Variants in RFX2 observed in about 807,000 individuals in gnomAD.
RFX2 encodes regulatory factor X2.
Under a neutral mutation model 87.8 loss-of-function variants are expected in RFX2, and 20 were observed. The observed-to-expected ratio is 0.23, with a 90% CI of 0.16 to 0.33. The LOEUF (loss-of-function observed/expected upper bound fraction) is 0.33. Among genes scored for constraint, RFX2 ranks in the 10% least tolerant of loss-of-function variants. The pLI is 1.00. For synonymous variants in RFX2, 397 were observed against 431.3 expected, an observed-to-expected ratio of 0.92 and a Z score of 0.98; for missense variants, 767 against 1,012.3, an observed-to-expected ratio of 0.76 and a Z score of 3.29.
Position 6,063,296 on chromosome 19 carries a change from C to T in RFX2, c.-8-15792G>A, listed in dbSNP as rs943537591. On this transcript the variant is annotated intron_variant, in intron 1 of 17. Coordinates refer to ENST00000303657, the MANE Select transcript of RFX2 (RefSeq NM_000635.4). The surrounding 1 kb of genome is among the most constrained non-coding windows in gnomAD (Gnocchi z 4.0). Reference sequence around the variant, plus strand: ...CCCAGGCCTGAGCGCCAGCCCTTCACTGATCAGCTAGCCTCTGCCTGCAAG... The same window carrying T: ...CCCAGGCCTGAGCGCCAGCCCTTCATTGATCAGCTAGCCTCTGCCTGCAAG... Among the ~76,000 whole-genome samples the T allele has an allele frequency of 2.0e-5, 3 of 152,222 alleles. No individual in the cohort carries two copies. The highest frequency in any genetic ancestry group is 7.2e-5 in the African/African-American group (3 of 41,454).
rs1435662993 is a variant in RFX2 at position 5,997,432 on chromosome 19, CCA to C, written c.1860-221_1860-220del. 1.6e-5 allele frequency: 8 copies of C among 509,392 alleles called. No individual in the cohort carries two copies. Among genetic ancestry groups the C allele is most frequent in the Admixed American group, 3.5e-5 (1 of 28,810 alleles). The allele number at this position is 509,392 out of a possible 1,614,324, so 31.6% of individuals were successfully genotyped here. On this transcript the variant is annotated intron_variant, in intron 15 of 17. Coordinates refer to ENST00000303657, the MANE Select transcript of RFX2 (RefSeq NM_000635.4). This position sits in a 1 kb window ranked among gnomAD's most constrained non-coding sequence, Gnocchi z 4.2. The stretch of plus-strand genomic sequence containing the variant: ...GTGGGGCCGGCCTGCGCGCTCAGTT[CCA>C]GAGACCACCTGGGGAACAGGAGAGG...
At position 6,039,942 on chromosome 19, in the gene RFX2, A is replaced by G. The variant is rs773998644; in HGVS notation, c.522+38T>C. On this transcript the variant is annotated intron_variant, in intron 5 of 17. Transcript: ENST00000303657. This position sits in a 1 kb window ranked among gnomAD's most constrained non-coding sequence, Gnocchi z 5.2. ...TGCTGCCGCTGCTTCGAGAATACTC[A>G]TGGCCTACCCTGCTGGTCCCAAGAG... 1.3e-6 allele frequency: 2 copies of G among 1,506,434 alleles called. No individual in the cohort carries two copies. Among genetic ancestry groups the G allele is most frequent in the South Asian group, 1.2e-5 (1 of 80,904 alleles). 93.3% of individuals were successfully genotyped at this position (1,506,434 alleles called of 1,614,324 possible).
At chr19:6,009,844 G>A (rs749989135) in intron 9 of RFX2, among the ~76,000 whole-genome samples, 15 of 152,234 alleles carry the variant, frequency 9.9e-5, no homozygotes, top group Non-Finnish European at 1.9e-4. Context: ...GGGATCACGG[G>A]CATGAGCCGC....
intron 1 of RFX2, among the ~76,000 whole-genome samples, chr19:6,059,220 T>C (rs1424906111): frequency 6.6e-6 from 1 of 151,974 alleles, no homozygotes; most frequent in Non-Finnish European, 1.5e-5. Flanking sequence ...ACTGAAGCAA[T>C]CCTCCCACCT....
intron 12 of RFX2, among the ~76,000 whole-genome samples, chr19:6,005,865 G>A (rs2086572759): frequency 6.6e-6 from 1 of 152,208 alleles, no homozygotes; most frequent in South Asian, 2.1e-4. Flanking sequence ...GGAGGCTGGA[G>A]GAAGGTGGCT....
chr19:6,085,870 T>C (rs962222502), intron 1 of RFX2, among the ~76,000 whole-genome samples: 4 of 152,024 alleles, frequency 2.6e-5, no homozygotes, highest in African/African-American at 9.7e-5. Context: ...GGTGGGAGGA[T>C]TGCCTGAGGC....
intron 1 of RFX2, among the ~76,000 whole-genome samples, chr19:6,085,554 C>T (rs1450214650): frequency 1.3e-5 from 2 of 152,136 alleles, no homozygotes; most frequent in African/African-American, 4.8e-5. Flanking sequence ...TTCTTCCATT[C>T]CTTGGGTTGT....
Position 6,026,376 on chromosome 19 carries a change from C to T in RFX2, c.523-139G>A. The T allele has an allele frequency of 1.4e-6, 1 of 734,978 alleles. No homozygotes were observed. Among genetic ancestry groups the T allele is most frequent in the Non-Finnish European group, 2.2e-6 (1 of 444,778 alleles). 45.5% of individuals were successfully genotyped at this position (734,978 alleles called of 1,614,324 possible). ...GAGCTCCTACAAAATAAAAATGAGG[C>T]TCCACGCAGGCAGGGCGGGGGTGAG... is the stretch of plus-strand genomic sequence containing the variant. On this transcript the variant is annotated intron_variant, in intron 5 of 17. Transcript: ENST00000303657. This position sits in a 1 kb window ranked among gnomAD's most constrained non-coding sequence, Gnocchi z 4.5.
intron 1 of RFX2, among the ~76,000 whole-genome samples, chr19:6,102,353 T>C (rs1293261890): frequency 6.6e-6 from 1 of 152,218 alleles, no homozygotes; most frequent in African/African-American, 2.4e-5. Context: ...GATAGCACTT[T>C]ACTCAAAATA....
chr19:6,071,393 C>T (rs754407734), intron 1 of RFX2, among the ~76,000 whole-genome samples: 1 of 152,118 alleles, frequency 6.6e-6, no homozygotes, highest in Non-Finnish European at 1.5e-5. Context: ...TTTAAGTGAT[C>T]GTCTATCTTT....
At chr19:6,059,029 G>C (rs10424290) in intron 1 of RFX2, among the ~76,000 whole-genome samples, 12,318 of 151,638 alleles carry the variant, frequency 0.081, 538 homozygotes, top group Middle Eastern at 0.11. Flanking sequence ...ACCCAGACTA[G>C]AGTGCAGTGA....
chr19:6,014,595 T>C (rs2086700503), intron 7 of RFX2, among the ~76,000 whole-genome samples: 1 of 152,058 alleles, frequency 6.6e-6, no homozygotes, highest in African/African-American at 2.4e-5. Context: ...CCTTTCTAGA[T>C]GAGGTACATG....
intron 1 of RFX2, among the ~76,000 whole-genome samples, chr19:6,108,719 A>G (rs2088259415): frequency 6.6e-6 from 1 of 152,118 alleles, no homozygotes; most frequent in African/African-American, 2.4e-5. Context: ...GGGCGGGGGT[A>G]AGGCAGCCAG....
In RFX2 at chr19:6,021,290, C is replaced by A. The variant is rs993468297; in HGVS notation, c.597+4873G>T. ...TTACGAGAGCTGGCTCTATGCCAGG[C>A]CTTGTTTAGGTGCTGGGGATGCAAC... On this transcript the variant is annotated intron_variant, in intron 6 of 17. Transcript: ENST00000303657. This position sits in a 1 kb window ranked among gnomAD's most constrained non-coding sequence, Gnocchi z 5.7. 2.0e-5 allele frequency among the ~76,000 whole-genome samples: 3 copies of A among 152,186 alleles called. No individual in the cohort carries two copies. The highest frequency in any genetic ancestry group is 4.4e-5 in the Non-Finnish European group (3 of 68,044).
Position 6,042,122 on chromosome 19 carries a change from A to C in RFX2, c.182T>G (p.Val61Gly), listed in dbSNP as rs372121640. Residue 61 changes from valine to glycine, a missense_variant and splice_region_variant, in exon 4 of 18, where the codon GTG (valine) becomes GGG (glycine). Around this residue, in one of 2 missense-constraint regions of RFX2, gnomAD observed 146 missense variants for 139.2 expected, o/e 1.05. Coordinates refer to ENST00000303657, the MANE Select transcript of RFX2 (RefSeq NM_000635.4). ...LPRVQQVPQQ[V>G]QPVQHVYPAQ... ...AGGATACACGTGCTGCACCGGCTGC[A>C]CCTGAAACATCGGATACGCTGCGTT... is the stretch of plus-strand genomic sequence containing the variant. The C allele has an allele frequency of 1.2e-6, 2 of 1,613,564 alleles. No homozygotes were observed. The highest frequency in any genetic ancestry group is 2.7e-5 in the African/African-American group (2 of 74,912).
At chr19:6,036,662 A>G (rs2087029939) in intron 5 of RFX2, among the ~76,000 whole-genome samples, 1 of 152,192 alleles carries the variant, frequency 6.6e-6, no homozygotes, top group Admixed American at 6.5e-5. Context: ...CATATGTAAA[A>G]AAACGTTTGA....
At chr19:6,054,206 T>TA (rs1033528926) in intron 1 of RFX2, among the ~76,000 whole-genome samples, 4 of 151,650 alleles carry the variant, frequency 2.6e-5, no homozygotes, top group Non-Finnish European at 5.9e-5. Context: ...ACAGATGAAA[T>TA]AAAAAAATGT....
rs75491608 is a variant in RFX2, at chr19:5,995,458, C to T, written c.2056+143G>A. On this transcript the variant is annotated intron_variant, in intron 17 of 17. Transcript: ENST00000303657. ...TGCTGCTCAGGCATCACCCACTGTC[C>T]GGATGACAGATCCCAGGGCCCTCAC... 848 of 802,350 alleles carry T rather than the reference C, an allele frequency of 1.1e-3. 8 individuals are homozygous for T. In the African/African-American group the frequency reaches 0.013, roughly 12 times the overall value. 49.7% of individuals were successfully genotyped at this position (802,350 alleles called of 1,614,324 possible). A position where few individuals can be genotyped will look rare whatever the true frequency, so the allele number is the denominator to read the frequency against.
intron 5 of RFX2, among the ~76,000 whole-genome samples, chr19:6,038,100 G>A (rs542131986): frequency 3.9e-5 from 6 of 152,200 alleles, no homozygotes; most frequent in African/African-American, 1.4e-4. Context: ...GCCGAGGTGA[G>A]CAGATCACTT....
Sources: allele counts gnomAD v4.1 joint callset (sites outside exome capture counted in the v4.1 genomes callset), GRCh38; gene constraint gnomAD v4.1.1; regional missense constraint gnomAD v4.1.1; non-coding constraint Gnocchi (gnomAD v3.1); transcripts MANE v1.5; gene names NCBI Gene and HGNC (gene_info 2026-07-23, HGNC 2026-07-21).